The following MYBPC1 variants were observed in gnomAD, a reference collection of about 807,000 sequenced individuals.
MYBPC1 encodes the protein myosin binding protein C1, also known as myosin-binding protein C, slow-type.
Under a neutral mutation model 147.1 loss-of-function variants are expected in MYBPC1, and 52 were observed. The observed-to-expected ratio is 0.35, with a 90% CI of 0.28 to 0.45. The LOEUF (loss-of-function observed/expected upper bound fraction) is 0.45. Ranked by LOEUF, MYBPC1 falls within the 20% of genes least tolerant of loss-of-function variation. MYBPC1 has a pLI of 1.00. For missense variants in MYBPC1, 1,228 were observed against 1,440.3 expected (o/e 0.85, Z 2.39); for synonymous variants, 477 against 475.9 (o/e 1.00, Z -0.03).
chr12:101,624,683 A>ATTTTTTTTTTTTTTTTTTTTTT (rs57175970), intron 3 of MYBPC1, among the ~76,000 whole-genome samples: 11 of 99,104 alleles, frequency 1.1e-4, no homozygotes, highest in African/African-American at 4.6e-4. Flanking sequence ...CGGCTAATTA[A>ATTTTTTTTTTTTTTTTTTTTTT]TTTTTTTTTT....
intron 10 of MYBPC1, among the ~76,000 whole-genome samples, chr12:101,639,108 A>G (rs1891537180): frequency 6.6e-6 from 1 of 152,174 alleles, no homozygotes; most frequent in African/African-American, 2.4e-5. Flanking sequence ...TCAAATAGAC[A>G]TTAGCTAAAT....
At chr12:101,653,471 G>A (rs1386999269) in intron 18 of MYBPC1, among the ~76,000 whole-genome samples, 2 of 143,578 alleles carry the variant, frequency 1.4e-5, no homozygotes, top group Admixed American at 1.5e-4. Flanking sequence ...ATGTAGCAAA[G>A]CATGTTTTGA....
intron 23 of MYBPC1, among the ~76,000 whole-genome samples, chr12:101,669,708 A>C (rs1898151457): frequency 1.3e-5 from 2 of 152,154 alleles, no homozygotes; most frequent in African/African-American, 4.8e-5. Flanking sequence ...AGACTAAGGC[A>C]GGTGGATCAC....
At chr12:101,680,581 A>C (rs1365254291) in intron 29 of MYBPC1, 52 bp downstream of exon 29, 2 of 1,595,086 alleles carry the variant, frequency 1.3e-6, no homozygotes, top group Non-Finnish European at 1.7e-6. Flanking sequence ...AAATCATTGA[A>C]TTATTGTTCT....
At chr12:101,682,416 A>C (rs1476671961) in intron 29 of MYBPC1, among the ~76,000 whole-genome samples, 188 bp from the exon 30 acceptor site, 1 of 152,206 alleles carries the variant, frequency 6.6e-6, no homozygotes, top group Non-Finnish European at 1.5e-5. Flanking sequence ...CTAGTACATA[A>C]GTTCGTAATA....
At chr12:101,679,713 A>G (rs1390606010) in intron 28 of MYBPC1, among the ~76,000 whole-genome samples, 2 of 152,154 alleles carry the variant, frequency 1.3e-5, no homozygotes, top group Non-Finnish European at 2.9e-5. Flanking sequence ...TTAAGTAATG[A>G]GGAGGCAGAT....
chr12:101,678,612 AAC>A (rs1047593529), intron 28 of MYBPC1, among the ~76,000 whole-genome samples: 24 of 152,224 alleles, frequency 1.6e-4, no homozygotes, highest in Admixed American at 1.2e-3. Flanking sequence ...GGTTAAAGTA[AAC>A]AACAATTACA....
At chr12:101,655,317 C>T (rs1406087774) in intron 18 of MYBPC1, among the ~76,000 whole-genome samples, 2 of 151,914 alleles carry the variant, frequency 1.3e-5, no homozygotes, top group Non-Finnish European at 2.9e-5. Flanking sequence ...TAATCACCTA[C>T]AGATGAAAGC....
chr12:101,636,541 A>T, intron 9 of MYBPC1, 131 bp from the exon 10 acceptor site: 1 of 755,588 alleles, frequency 1.3e-6, no homozygotes. Flanking sequence ...GTGTGAAAAG[A>T]AATAGTTTGT....
Position 101,673,311 on chromosome 12 carries a change from T to G in MYBPC1, c.2614-116T>G, listed in dbSNP as rs1899121442. The G allele has an allele frequency of 3.0e-6, 3 of 991,072 alleles. No individual in the cohort carries two copies. The African/African-American group carries it at 4.8e-5, about 16-fold the overall frequency. 61.4% of individuals were successfully genotyped at this position (991,072 alleles called of 1,614,324 possible). A position where few individuals can be genotyped will look rare whatever the true frequency, so the allele number is the denominator to read the frequency against. On this transcript the variant is annotated intron_variant, in intron 24 of 31. Coordinates refer to ENST00000361466, the MANE Select transcript of MYBPC1 (RefSeq NM_002465.4). ...ATTGCTCACCACCAGACTAGAAGGG[T>G]GGTATTTTCCAGCCCTGCCTAGAAT... is the stretch of plus-strand genomic sequence containing the variant.
chr12:101,616,725 T>C (rs963378790), intron 2 of MYBPC1, among the ~76,000 whole-genome samples: 2 of 152,176 alleles, frequency 1.3e-5, no homozygotes, highest in Non-Finnish European at 2.9e-5. Flanking sequence ...CACTGAAACA[T>C]TTTCTTTGAA....
At chr12:101,646,987 C>T in intron 13 of MYBPC1, 100 bp downstream of exon 13, 1 of 1,450,742 alleles carries the variant, frequency 6.9e-7, no homozygotes, top group East Asian at 2.3e-5. Flanking sequence ...TCTACACTGG[C>T]AGCTATTATG....
chr12:101,651,776 C>T (rs892182656), intron 16 of MYBPC1, among the ~76,000 whole-genome samples: 2 of 151,998 alleles, frequency 1.3e-5, no homozygotes, highest in African/African-American at 4.8e-5. Flanking sequence ...CTCATCTCTA[C>T]AAAAAACACA....
the MYBPC1 span, among the ~76,000 whole-genome samples, chr12:101,695,110 C>T: frequency 5.3e-5 from 8 of 152,348 alleles, no homozygotes; most frequent in East Asian, 1.9e-4. Flanking sequence ...ACCATCTACT[C>T]TTCCTAGCAA....
intron 18 of MYBPC1, among the ~76,000 whole-genome samples, chr12:101,654,125 G>T (rs11110927): frequency 0.22 from 33,626 of 151,938 alleles, 3,990 homozygotes; most frequent in Middle Eastern, 0.34. Context: ...AAGAATTGCT[G>T]GAACCCGGGA....
intron 25 of MYBPC1, among the ~76,000 whole-genome samples, chr12:101,674,138 T>C (rs1489132790): frequency 6.6e-6 from 1 of 152,234 alleles, no homozygotes; most frequent in Non-Finnish European, 1.5e-5. Context: ...TTAAGGCATA[T>C]ATGTTCAAGA....
Position 101,632,033 on chromosome 12 carries a change from G to C in MYBPC1, c.451G>C (p.Glu151Gln). 6.2e-7 allele frequency: 1 copy of C among 1,611,972 alleles called. No individual in the cohort carries two copies. Among genetic ancestry groups the C allele is most frequent in the Non-Finnish European group, 8.5e-7 (1 of 1,178,020 alleles). Residue 151 changes from glutamate (E) to glutamine (Q), a missense_variant, in exon 8 of 32, where the codon GAG (glutamate) becomes CAG (glutamine). Glu to Gln is a conservative substitution (Grantham distance 29, BLOSUM62 2). This residue lies in a region of MYBPC1 where 1,077 missense variants were observed against 1,314.2 expected (regional missense o/e 0.82). Transcript: ENST00000361466. ...FERHSRVYTF[E>Q]MQIIKAKDNF... ...CATTTCATTGCAGGTGTACACATTT[G>C]AGATGCAGATCATCAAGGCCAAAGA...
chr12:101,686,266 A>C (rs1951344843), downstream of MYBPC1, among the ~76,000 whole-genome samples: 1 of 152,248 alleles, frequency 6.6e-6, no homozygotes, highest in African/African-American at 2.4e-5. Context: ...GCATTCATGC[A>C]TTTAGGGTTG....
At chr12:101,693,656 A>T in the MYBPC1 span, among the ~76,000 whole-genome samples, 1 of 152,198 alleles carries the variant, frequency 6.6e-6, no homozygotes, top group African/African-American at 2.4e-5. Flanking sequence ...CAGGTGAATC[A>T]CTTGAACCTG....
Sources: allele counts gnomAD v4.1 joint callset (sites outside exome capture counted in the v4.1 genomes callset), GRCh38; gene constraint gnomAD v4.1.1; regional missense constraint gnomAD v4.1.1; transcripts MANE v1.5; gene names NCBI Gene and HGNC (gene_info 2026-07-23, HGNC 2026-07-21).